The following DOCK3 variants were observed in gnomAD, a reference collection of about 807,000 sequenced individuals.
DOCK3 encodes dedicator of cytokinesis protein 3.
Under a neutral mutation model 265.6 loss-of-function variants are expected in DOCK3, and 60 were observed. The ratio of observed to expected loss-of-function variants is 0.23; its 90% CI spans 0.18 to 0.28. The LOEUF is 0.28. DOCK3 is among the 10% of genes least tolerant of loss of function. The pLI, the probability that DOCK3 is intolerant of heterozygous loss-of-function variation, is 1.00. For missense variants in DOCK3, 1,981 were observed against 2,594.3 expected, an observed-to-expected ratio of 0.76 and a Z score of 5.14; for synonymous variants, 881 against 938.0, an observed-to-expected ratio of 0.94 and a Z score of 1.11.
intron 27 of DOCK3, among the ~76,000 whole-genome samples, chr3:51,294,650 C>T (rs2081973172): frequency 6.8e-6 from 1 of 147,050 alleles, no homozygotes; most frequent in African/African-American, 2.6e-5. Context: ...TGCACTCCAG[C>T]CTGGGCGACA....
At chr3:50,739,904 G>A (rs1007379367) in intron 1 of DOCK3, among the ~76,000 whole-genome samples, 6 of 152,050 alleles carry the variant, frequency 3.9e-5, no homozygotes, top group African/African-American at 1.4e-4. Context: ...CCTATTTAAA[G>A]TGTACATTGA....
rs569110462 is a variant in DOCK3 at position 50,769,234 on chromosome 3, T to C, written c.38-9441T>C. Among the ~76,000 whole-genome samples the C allele has an allele frequency of 2.0e-5, 3 of 152,332 alleles. 1 individual carries two copies. The East Asian group carries it at 5.8e-4, about 29-fold the overall frequency. ...CTTTTTAGTTTAATGTAATCCTTTT[T>C]TGTTAAACATTTCTGGTCTGTGCTT... On this transcript the variant is annotated intron_variant, in intron 1 of 52. Transcript: ENST00000266037.
intron 21 of DOCK3, among the ~76,000 whole-genome samples, chr3:51,238,119 CTTTTTTTTTTTTTTTTTTTTTT>C (rs747331452): frequency 7.6e-4 from 36 of 47,488 alleles, no homozygotes; most frequent in Admixed American, 6.1e-3. Flanking sequence ...ATATTTACCA[CTTTTTTTTTTTTTTTTTTTTTT>C]TTTTTTTTTT....
At chr3:51,077,103 T>G (rs554998550) in intron 7 of DOCK3, among the ~76,000 whole-genome samples, 15 of 152,012 alleles carry the variant, frequency 9.9e-5, no homozygotes, top group Non-Finnish European at 2.2e-4. Context: ...CCCAGAGTAG[T>G]GATTCAGGTA....
At chr3:51,167,957 G>T (rs1202556427) in intron 12 of DOCK3, among the ~76,000 whole-genome samples, 4 of 152,190 alleles carry the variant, frequency 2.6e-5, no homozygotes, top group Admixed American at 2.6e-4. Flanking sequence ...GCTCTGGCTA[G>T]AACTTCTAGT....
chr3:50,851,725 G>A (rs2046365870), intron 3 of DOCK3, among the ~76,000 whole-genome samples: 1 of 152,166 alleles, frequency 6.6e-6, no homozygotes, highest in South Asian at 2.1e-4. Flanking sequence ...TCCCACCACA[G>A]GCTTGTGACA....
At chr3:51,081,736 A>G (rs986452203) in intron 7 of DOCK3, among the ~76,000 whole-genome samples, 1 of 151,968 alleles carries the variant, frequency 6.6e-6, no homozygotes, top group African/African-American at 2.4e-5. Context: ...TGTACTAAAA[A>G]TACAAAAAAA....
At chr3:50,933,955 G>T in intron 4 of DOCK3, 26 bp from the exon 5 acceptor site, 1 of 1,490,558 alleles carries the variant, frequency 6.7e-7, no homozygotes, top group Non-Finnish European at 9.1e-7. Flanking sequence ...AGATAATGTG[G>T]CTGTCTTTTG....
intron 23 of DOCK3, among the ~76,000 whole-genome samples, chr3:51,262,407 C>T (rs753181311): frequency 6.6e-5 from 10 of 152,070 alleles, no homozygotes; most frequent in Non-Finnish European, 8.8e-5. Flanking sequence ...AAACCCTATC[C>T]GAAGGTCAAC....
intron 27 of DOCK3, among the ~76,000 whole-genome samples, chr3:51,307,317 A>G (rs535439943): frequency 2.2e-4 from 33 of 152,128 alleles, no homozygotes; most frequent in African/African-American, 7.5e-4. Flanking sequence ...GGATCTTGCT[A>G]TGTTTCCCAA....
At chr3:50,718,690 A>G (rs1423442347) in intron 1 of DOCK3, among the ~76,000 whole-genome samples, 6 of 151,360 alleles carry the variant, frequency 4.0e-5, no homozygotes, top group Non-Finnish European at 4.4e-5. Context: ...AGGAATTTCA[A>G]TTATGCATAT....
intron 21 of DOCK3, among the ~76,000 whole-genome samples, chr3:51,242,543 C>G (rs546782144): frequency 1.3e-5 from 2 of 152,046 alleles, no homozygotes; most frequent in Non-Finnish European, 2.9e-5. Flanking sequence ...GAGCTGGGGC[C>G]CCTACTGGCA....
chr3:51,012,411 A>G (rs2078988377), intron 5 of DOCK3, among the ~76,000 whole-genome samples: 1 of 152,132 alleles, frequency 6.6e-6, no homozygotes, highest in African/African-American at 2.4e-5. Flanking sequence ...TGTGCTAGCA[A>G]TGAGTGAGGC....
rs1050865634 is a variant in DOCK3 at position 51,213,226 on chromosome 3, G to A, written c.1127-896G>A. On this transcript the variant is annotated intron_variant, in intron 13 of 52. Transcript: ENST00000266037. The stretch of plus-strand genomic sequence containing the variant: ...GCTGCATTTAACTCCCAAGCTTATA[G>A]ACCAGTGAGGACGCCTCCTGTCAAC... Among the ~76,000 whole-genome samples, 12 of 152,076 alleles carry A rather than the reference G, an allele frequency of 7.9e-5. 3 individuals are homozygous for A.
intron 7 of DOCK3, among the ~76,000 whole-genome samples, chr3:51,084,100 A>C (rs1479554502): frequency 6.6e-6 from 1 of 152,176 alleles, no homozygotes; most frequent in Non-Finnish European, 1.5e-5. Context: ...GGGTACCAGA[A>C]GCAAATAAAT....
chr3:51,281,161 T>C (rs1408233099), intron 27 of DOCK3, among the ~76,000 whole-genome samples: 1 of 151,842 alleles, frequency 6.6e-6, no homozygotes, highest in Non-Finnish European at 1.5e-5. Context: ...TATATTTCTT[T>C]TCTTGTAGAA....
At chr3:51,084,174 A>C (rs998788775) in intron 7 of DOCK3, among the ~76,000 whole-genome samples, 1 of 152,130 alleles carries the variant, frequency 6.6e-6, no homozygotes, top group African/African-American at 2.4e-5. Context: ...CCTGCTAATG[A>C]GATAATAGCT....
rs559483796 is a variant in DOCK3 at position 50,996,560 on chromosome 3, TATG to T, written c.315+62486_315+62488del. On this transcript the variant is annotated intron_variant, in intron 5 of 52. Coordinates refer to ENST00000266037, the MANE Select transcript of DOCK3 (RefSeq NM_004947.5). The stretch of plus-strand genomic sequence containing the variant: ...ATTTATTTTCCTTCTTCTCTACGTA[TATG>T]ATAATAAACCCCATTATTTCTATCT... 3.5e-4 allele frequency among the ~76,000 whole-genome samples: 53 copies of T among 152,284 alleles called. No homozygotes were observed. The South Asian group carries it at 0.011, about 30-fold the overall frequency.
At chr3:50,901,064 G>A (rs1488383645) in intron 4 of DOCK3, 2 of 292,822 alleles carry the variant, frequency 6.8e-6, no homozygotes, top group Non-Finnish European at 1.4e-5. Context: ...GTCTGCTGAT[G>A]CAGTGCCTGC....
Sources: allele counts gnomAD v4.1 joint callset (sites outside exome capture counted in the v4.1 genomes callset), GRCh38; gene constraint gnomAD v4.1.1; transcripts MANE v1.5; gene names NCBI Gene and HGNC (gene_info 2026-07-23, HGNC 2026-07-21).